The following MACROD1 variants were observed in gnomAD, a reference collection of about 807,000 sequenced individuals.
The protein encoded by MACROD1 is mono-ADP ribosylhydrolase 1, also known as ADP-ribose glycohydrolase MACROD1.
A neutral mutation model predicts 41.4 loss-of-function variants in MACROD1; 31 were observed. That is an observed-to-expected ratio of 0.75 (90% confidence interval 0.56 to 1.01). The LOEUF is 1.01. MACROD1 is among the 50% of genes least tolerant of loss of function. MACROD1 has a pLI of 0.00. For missense variants in MACROD1, 473 were observed against 460.0 expected (o/e 1.03, Z -0.26); for synonymous variants, 252 against 203.4 (o/e 1.24, Z -2.03).
chr11:64,117,626 C>T, intron 3 of MACROD1: 1 of 1,613,812 alleles, frequency 6.2e-7, no homozygotes, highest in Non-Finnish European at 8.5e-7. Flanking sequence ...CCATCCGCAT[C>T]ACGTGGAAGG....
In MACROD1 at chr11:64,067,561, AG is replaced by A. The variant is rs1299061414; in HGVS notation, c.518-52281del. 6.6e-6 allele frequency among the ~76,000 whole-genome samples: 1 copy of A among 152,092 alleles called. No homozygotes were observed. The highest frequency in any genetic ancestry group is 6.5e-5 in the Admixed American group (1 of 15,268). On this transcript the variant is annotated intron_variant, in intron 3 of 10. Coordinates refer to ENST00000255681, the MANE Select transcript of MACROD1 (RefSeq NM_014067.4). The surrounding 1 kb of genome is among the most constrained non-coding windows in gnomAD (Gnocchi z 4.6). Reference sequence around the variant, plus strand: ...CCCCTGGGGCTCAGGGACCCAAAGCAGGGACCAGGACCCAGGCTTGTCTCCC... The same window carrying A: ...CCCCTGGGGCTCAGGGACCCAAAGCAGGACCAGGACCCAGGCTTGTCTCCC...
intron 4 of MACROD1, among the ~76,000 whole-genome samples, chr11:64,003,732 G>A (rs1281663189): frequency 6.6e-6 from 1 of 152,226 alleles, no homozygotes; most frequent in Admixed American, 6.5e-5. Context: ...CAACCTCAGT[G>A]GCTCTGCTTC....
chr11:64,143,886 C>T (rs945739426), intron 3 of MACROD1, among the ~76,000 whole-genome samples: 2 of 151,828 alleles, frequency 1.3e-5, no homozygotes, highest in Admixed American at 6.6e-5. Flanking sequence ...CAAGTTGTTT[C>T]ACATCTCTGA....
chr11:64,044,143 T>C (rs1220097784), intron 3 of MACROD1, among the ~76,000 whole-genome samples: 1 of 151,810 alleles, frequency 6.6e-6, no homozygotes, highest in Non-Finnish European at 1.5e-5. Context: ...AAGCATATGC[T>C]CGTAACCCCC....
intron 2 of MACROD1, among the ~76,000 whole-genome samples, chr11:64,152,054 G>A (rs550815895): frequency 4.3e-4 from 65 of 152,280 alleles, no homozygotes; most frequent in Non-Finnish European, 6.2e-4. Context: ...GCTTGAACCC[G>A]GGAGGTGGAG....
At chr11:64,145,402 A>T (rs1160877055) in intron 3 of MACROD1, among the ~76,000 whole-genome samples, 2 of 152,064 alleles carry the variant, frequency 1.3e-5, no homozygotes, top group African/African-American at 4.8e-5. Flanking sequence ...TCTGCTTAGT[A>T]GCTCTCGCTC....
intron 8 of MACROD1, 45 bp downstream of exon 8, chr11:63,999,286 C>T (rs904029923): frequency 1.2e-5 from 18 of 1,538,538 alleles, no homozygotes; most frequent in Middle Eastern, 2.3e-4. Flanking sequence ...GCTGGTCACT[C>T]TGGCCGGGAT....
chr11:64,051,906 G>A (rs1037627068), intron 3 of MACROD1, among the ~76,000 whole-genome samples: 4 of 151,972 alleles, frequency 2.6e-5, no homozygotes, highest in Non-Finnish European at 5.9e-5. Flanking sequence ...CTCGGGGGCT[G>A]CAAGAGAGGT....
intron 3 of MACROD1, among the ~76,000 whole-genome samples, chr11:64,123,367 A>G (rs935063194): frequency 6.6e-6 from 1 of 152,236 alleles, no homozygotes; most frequent in Non-Finnish European, 1.5e-5. Flanking sequence ...AGGGATAAAA[A>G]GGCTCAAAAA....
At chr11:64,063,526 C>T (rs1943942119) in intron 3 of MACROD1, among the ~76,000 whole-genome samples, 4 of 152,110 alleles carry the variant, frequency 2.6e-5, no homozygotes. Flanking sequence ...CCAGGTGCCC[C>T]CCAAAAGTCT....
At chr11:64,018,803 C>G (rs1381034573) in intron 3 of MACROD1, among the ~76,000 whole-genome samples, 2 of 152,130 alleles carry the variant, frequency 1.3e-5, no homozygotes, top group Non-Finnish European at 2.9e-5. Context: ...TGCAGGTGGG[C>G]CCAGGAGCAC....
At chr11:64,004,960 A>G (rs1460039235) in intron 4 of MACROD1, among the ~76,000 whole-genome samples, 1 of 152,130 alleles carries the variant, frequency 6.6e-6, no homozygotes, top group Non-Finnish European at 1.5e-5. Context: ...ACTGAGGGCC[A>G]GGGGGGTTAA....
chr11:64,156,423 C>T (rs1029721224), intron 1 of MACROD1, among the ~76,000 whole-genome samples: 11 of 152,312 alleles, frequency 7.2e-5, no homozygotes, highest in African/African-American at 1.9e-4. Flanking sequence ...GTGATGCTGG[C>T]GGGACTGGTG....
At chr11:64,044,647 G>A (rs182147273) in intron 3 of MACROD1, among the ~76,000 whole-genome samples, 48 of 152,290 alleles carry the variant, frequency 3.2e-4, no homozygotes, top group East Asian at 1.9e-4. Flanking sequence ...AGAGGAAGGG[G>A]AACCACGTTC....
intron 4 of MACROD1, chr11:64,009,163 C>G (rs1021832009): frequency 1.3e-5 from 2 of 152,082 alleles, no homozygotes; most frequent in Non-Finnish European, 2.9e-5. Flanking sequence ...AGGAGAGACA[C>G]GGGCGTCAGG....
chr11:64,076,315 A>G (rs562043611), intron 3 of MACROD1, among the ~76,000 whole-genome samples: 33 of 152,200 alleles, frequency 2.2e-4, no homozygotes, highest in African/African-American at 7.5e-4. Context: ...CCATGCTCTG[A>G]CTTGGGGTTA....
intron 3 of MACROD1, among the ~76,000 whole-genome samples, chr11:64,026,077 A>G (rs1222587577): frequency 6.6e-6 from 1 of 151,868 alleles, no homozygotes; most frequent in African/African-American, 2.4e-5. Flanking sequence ...GCTACTCGGG[A>G]GGCTAAGGCA....
chr11:64,091,710 C>T (rs1485929274), intron 3 of MACROD1, among the ~76,000 whole-genome samples: 1 of 152,190 alleles, frequency 6.6e-6, no homozygotes, highest in East Asian at 1.9e-4. Flanking sequence ...ACGAGGGGCC[C>T]CAACTCCCCA....
At chr11:64,014,492 G>T (rs1943054894) in intron 4 of MACROD1, among the ~76,000 whole-genome samples, 1 of 152,196 alleles carries the variant, frequency 6.6e-6, no homozygotes, top group Admixed American at 6.5e-5. Context: ...CGTAAACACG[G>T]CCCCCGGGAT....
Sources: gnomAD v4.1 joint callset for allele counts (sites outside exome capture counted in the v4.1 genomes callset) on GRCh38, gnomAD v4.1.1 for gene constraint, Gnocchi (gnomAD v3.1) non-coding constraint, MANE v1.5 for transcripts, NCBI Gene and HGNC (gene_info 2026-07-23, HGNC 2026-07-21) for gene names.